The following RIMBP2 variants were observed in gnomAD, a reference collection of about 807,000 sequenced individuals.
RIMBP2 encodes the protein RIMS-binding protein 2.
Under a neutral mutation model 118.6 loss-of-function variants are expected in RIMBP2, and 48 were observed. The ratio of observed to expected loss-of-function variants is 0.40; its 90% CI spans 0.32 to 0.51. The LOEUF (loss-of-function observed/expected upper bound fraction) is 0.51, where lower values mean the gene tolerates loss of function less well. Among genes scored for constraint, RIMBP2 ranks in the 20% least tolerant of loss-of-function variants. RIMBP2 has a pLI of 0.41. For missense variants in RIMBP2, 1,551 were observed against 1,768.3 expected (o/e 0.88, Z 2.20); for synonymous variants, 762 against 742.9 (o/e 1.03, Z -0.42).
At chr12:130,681,753 G>A (rs7959629) in intron 1 of RIMBP2, among the ~76,000 whole-genome samples, 9,600 of 151,944 alleles carry the variant, frequency 0.063, 824 homozygotes, top group African/African-American at 0.2. Flanking sequence ...GGAATGCAGC[G>A]GCATAATCTC....
intron 2 of RIMBP2, among the ~76,000 whole-genome samples, chr12:130,580,707 G>A (rs1043578551): frequency 2.0e-5 from 3 of 152,146 alleles, no homozygotes; most frequent in African/African-American, 4.8e-5. Flanking sequence ...TGAGAGGCTG[G>A]GGCAGGCAGA....
At position 130,399,798 on chromosome 12, in the gene RIMBP2, G is replaced by T. The variant is rs780420135; in HGVS notation, c.3781C>A (p.Gln1261Lys). 7 of 1,614,032 alleles carry T rather than the reference G, an allele frequency of 4.3e-6. No homozygotes were observed. In the Admixed American group the frequency reaches 1.2e-4, roughly 27 times the overall value. ...DGFYYGELNG[Q>K]KGLVPSNFLE... is the part of the protein sequence containing the mutation. ...AAGTTTGAGGGCACAAGGCCTTTCT[G>T]CCCATTCAGCTCCCCCTAAAACACC... The change falls in exon 22 of 23, where the codon CAG becomes AAG. Residue 1261 changes from glutamine to lysine, a missense_variant. By Grantham distance (53) the Gln-to-Lys change is moderately conservative. Coordinates refer to ENST00000690449, the MANE Select transcript of RIMBP2 (RefSeq NM_001393629.1).
intron 4 of RIMBP2, among the ~76,000 whole-genome samples, chr12:130,499,160 G>A (rs1479079759): frequency 1.3e-5 from 2 of 152,146 alleles, no homozygotes; most frequent in Admixed American, 6.5e-5. Flanking sequence ...CAGATCTTGT[G>A]AGAACTCACT....
intron 2 of RIMBP2, among the ~76,000 whole-genome samples, chr12:130,550,617 C>T (rs1226591392): frequency 6.6e-6 from 1 of 152,084 alleles, no homozygotes; most frequent in Non-Finnish European, 1.5e-5. Flanking sequence ...TGAGTCTAAA[C>T]GTACTGCAAA....
intron 1 of RIMBP2, among the ~76,000 whole-genome samples, chr12:130,673,933 AC>A (rs2064315556): frequency 1.4e-5 from 2 of 139,944 alleles, no homozygotes. Context: ...ACACGGTGAA[AC>A]CCCATCTCTT....
chr12:130,484,387 C>T (rs541482888), intron 4 of RIMBP2, among the ~76,000 whole-genome samples: 29 of 152,356 alleles, frequency 1.9e-4, no homozygotes, highest in African/African-American at 6.7e-4. Context: ...TCTCACGTTC[C>T]AGCCTTTGCC....
At chr12:130,646,406 T>TCACCTCCCTCACCACCTGCCTCG (rs1555317645) in intron 1 of RIMBP2, among the ~76,000 whole-genome samples, 2 of 10,606 alleles carry the variant, frequency 1.9e-4, no homozygotes, top group Non-Finnish European at 3.4e-4. Flanking sequence ...CACCTGCCTC[T>TCACCTCCCTCACCACCTGCCTCG]CCACCTCCCT....
intron 2 of RIMBP2, among the ~76,000 whole-genome samples, chr12:130,593,361 A>G (rs542218148): frequency 5.9e-5 from 9 of 152,348 alleles, no homozygotes; most frequent in Middle Eastern, 3.4e-3. Context: ...CACATACCCA[A>G]GGACAGGCAC....
intron 1 of RIMBP2, among the ~76,000 whole-genome samples, chr12:130,712,738 G>A (rs1173075272): frequency 6.6e-6 from 1 of 152,118 alleles, no homozygotes; most frequent in Non-Finnish European, 1.5e-5. Flanking sequence ...GTCCATGCAT[G>A]ACTGTATGTG....
chr12:130,398,469 A>G (rs879042333), intron 22 of RIMBP2: 1 of 152,678 alleles, frequency 6.5e-6, no homozygotes, highest in African/African-American at 2.4e-5. Flanking sequence ...GATACCATCT[A>G]TTCCATCTAA....
intron 11 of RIMBP2, among the ~76,000 whole-genome samples, chr12:130,439,198 ATATATGTG>A (rs2077806504): frequency 2.4e-5 from 2 of 82,634 alleles, no homozygotes; most frequent in Non-Finnish European, 6.3e-5. Flanking sequence ...TAATGTGTGC[ATATATGTG>A]TATATGTGGA....
chr12:130,401,579 A>ACCTGTGACTGCCCTGGG (rs2074576884), intron 21 of RIMBP2, among the ~76,000 whole-genome samples: 1 of 150,970 alleles, frequency 6.6e-6, no homozygotes, highest in Non-Finnish European at 1.5e-5. Context: ...ACTCTTATTT[A>ACCTGTGACTGCCCTGGG]CCTGTGACTG....
At chr12:130,438,258 C>G in intron 12 of RIMBP2, 107 bp downstream of exon 12, 2 of 1,321,316 alleles carry the variant, frequency 1.5e-6, no homozygotes, top group Admixed American at 1.9e-5. Context: ...CTCCAGTGAT[C>G]AGGGCTGGAA....
chr12:130,653,110 A>ACAGT (rs1354933305), intron 1 of RIMBP2, among the ~76,000 whole-genome samples: 2 of 152,160 alleles, frequency 1.3e-5, no homozygotes, highest in African/African-American at 2.4e-5. Flanking sequence ...TGCCTTCCCA[A>ACAGT]CAGTCCTCCA....
At chr12:130,603,338 C>A (rs796816402) in intron 2 of RIMBP2, among the ~76,000 whole-genome samples, 1 of 152,178 alleles carries the variant, frequency 6.6e-6, no homozygotes, top group Non-Finnish European at 1.5e-5. Flanking sequence ...GAAGTGAGCA[C>A]ATCCTATAAC....
intron 2 of RIMBP2, among the ~76,000 whole-genome samples, chr12:130,573,909 C>T (rs556689068): frequency 6.6e-6 from 1 of 152,104 alleles, no homozygotes; most frequent in African/African-American, 2.4e-5. Flanking sequence ...CAGCCTCCAC[C>T]CACATCCCTG....
intron 2 of RIMBP2, among the ~76,000 whole-genome samples, chr12:130,624,787 C>T (rs766818599): frequency 6.6e-6 from 1 of 152,178 alleles, no homozygotes; most frequent in Non-Finnish European, 1.5e-5. Flanking sequence ...TGTCATGGCA[C>T]TATCTCAGCT....
At chr12:130,485,804 C>T (rs2082422118) in intron 4 of RIMBP2, among the ~76,000 whole-genome samples, 2 of 152,288 alleles carry the variant, frequency 1.3e-5, no homozygotes, top group African/African-American at 4.8e-5. Flanking sequence ...TGGGCTCTTG[C>T]TTCGGGGTGC....
At chr12:130,591,850 G>T (rs189673008) in intron 2 of RIMBP2, among the ~76,000 whole-genome samples, 3 of 152,320 alleles carry the variant, frequency 2.0e-5, no homozygotes, top group Admixed American at 2.0e-4. Context: ...TCCAACCCCA[G>T]ATAGAGACAC....
Sources: allele counts gnomAD v4.1 joint callset (sites outside exome capture counted in the v4.1 genomes callset), GRCh38; gene constraint gnomAD v4.1.1; transcripts MANE v1.5; gene names NCBI Gene and HGNC (gene_info 2026-07-23, HGNC 2026-07-21).